The following MOV10L1 variants were observed in gnomAD, a reference collection of about 807,000 sequenced individuals.
MOV10L1 encodes Mov10 like RNA helicase 1.
A neutral mutation model predicts 143.8 loss-of-function variants in MOV10L1; 110 were observed. The observed-to-expected ratio is 0.76, with a 90% CI of 0.66 to 0.90. The LOEUF (loss-of-function observed/expected upper bound fraction) is 0.90. Ranked by LOEUF, MOV10L1 falls within the 40% of genes least tolerant of loss-of-function variation. The pLI, the probability that MOV10L1 is intolerant of heterozygous loss-of-function variation, is 0.00. For synonymous variants in MOV10L1, 593 were observed against 581.1 expected (o/e 1.02, Z -0.29); for missense variants, 1,406 against 1,526.8 (o/e 0.92, Z 1.32).
chr22:50,090,470 C>T, intron 1 of MOV10L1: 5 of 1,609,570 alleles, frequency 3.1e-6, no homozygotes, highest in Middle Eastern at 3.3e-4. Context: ...GCCAAGTCGT[C>T]TCTCCATGTC....
intron 1 of MOV10L1, chr22:50,090,714 T>G: frequency 1.5e-6 from 1 of 669,306 alleles, no homozygotes. Flanking sequence ...TTCGCTCTTG[T>G]TGCCCAGGCT....
Position 50,114,566 on chromosome 22 carries a change from A to G in MOV10L1, c.1070A>G (p.Asn357Ser). ...AATTCATTAAATAGCCACACAAAAAACAAAACCTCTCAGATGTCGGAGAGC... is the reference window on the plus strand; with the variant it reads ...AATTCATTAAATAGCCACACAAAAAGCAAAACCTCTCAGATGTCGGAGAGC... ...NINSLNSHTK[N>S]KTSQMSESSL... is the part of the protein sequence containing the mutation. Residue 357 changes from asparagine to serine, a missense_variant, in exon 7 of 27, where the codon AAC becomes AGC. Asn to Ser is a conservative substitution (Grantham distance 46, BLOSUM62 1). Coordinates refer to ENST00000262794, the MANE Select transcript of MOV10L1 (RefSeq NM_018995.3). 1.9e-6 allele frequency: 3 copies of G among 1,614,194 alleles called. No homozygotes were observed. Among genetic ancestry groups the G allele is most frequent in the African/African-American group, 2.7e-5 (2 of 75,050 alleles).
intron 9 of MOV10L1, among the ~76,000 whole-genome samples, chr22:50,120,300 G>A (rs1222095761): frequency 6.6e-6 from 1 of 152,138 alleles, no homozygotes; most frequent in Admixed American, 6.5e-5. Flanking sequence ...GAGCACTTGT[G>A]GGAACTGTTT....
chr22:50,133,961 T>A lies in MOV10L1; in HGVS notation c.1911-46T>A, dbSNP rs370882703. The A allele has an allele frequency of 2.6e-6, 4 of 1,530,422 alleles. No homozygotes were observed. The African/African-American group carries it at 5.5e-5, about 21-fold the overall frequency. 94.8% of individuals were successfully genotyped at this position (1,530,422 alleles called of 1,614,324 possible). On this transcript the variant is annotated intron_variant, in intron 13 of 26. Transcript: ENST00000262794. ...CATTACCTTATGCCAGCCTTAATAT[T>A]TCTGAATGTAAGGTTAGTTATTTTA...
intron 2 of MOV10L1, among the ~76,000 whole-genome samples, chr22:50,097,694 T>G (rs917246530): frequency 2.0e-5 from 3 of 152,182 alleles, no homozygotes; most frequent in African/African-American, 7.2e-5. Flanking sequence ...TATGAAACCT[T>G]CAATTTTGTT....
chr22:50,154,128 G>A (rs895567310), intron 22 of MOV10L1, among the ~76,000 whole-genome samples: 2 of 152,200 alleles, frequency 1.3e-5, no homozygotes, highest in African/African-American at 2.4e-5. Context: ...AAAGGAAGGG[G>A]TCCTAAGGAG....
At position 50,153,041 on chromosome 22, in the gene MOV10L1, G is replaced by A. The variant is rs56173861; in HGVS notation, c.2893-4G>A. ...CCTTGTGACCCATCACCATCTCCTC[G>A]CAGGTCACAAAGCTGGTGAAGAACT... is the stretch of plus-strand genomic sequence containing the variant. On this transcript the variant is annotated splice_polypyrimidine_tract_variant and splice_region_variant and intron_variant, in intron 21 of 26. Transcript: ENST00000262794. 0.039 allele frequency: 62,850 copies of A among 1,596,984 alleles called. 1,664 individuals carry two copies. Among genetic ancestry groups the A allele is most frequent in the South Asian group, 0.11 (9,579 of 89,926 alleles).
At chr22:50,104,786 A>C (rs1488323183) in intron 3 of MOV10L1, among the ~76,000 whole-genome samples, 1 of 152,032 alleles carries the variant, frequency 6.6e-6, no homozygotes, top group African/African-American at 2.4e-5. Flanking sequence ...TTGCAATATG[A>C]TCTTACTCTT....
chr22:50,110,806 C>T (rs1032781189), intron 5 of MOV10L1, among the ~76,000 whole-genome samples: 2 of 151,978 alleles, frequency 1.3e-5, no homozygotes, highest in African/African-American at 4.8e-5. Flanking sequence ...CAGCGCACAC[C>T]CTTAATCCCA....
chr22:50,157,674 C>T (rs2063460274), intron 22 of MOV10L1, among the ~76,000 whole-genome samples: 1 of 148,550 alleles, frequency 6.7e-6, no homozygotes. Flanking sequence ...ATCTATATGT[C>T]TGTCTTTTAT....
intron 1 of MOV10L1, chr22:50,090,464 A>G (rs755660781): frequency 3.1e-6 from 5 of 1,608,568 alleles, no homozygotes; most frequent in Middle Eastern, 3.3e-4. Context: ...GCAGCTGCCA[A>G]GTCGTCTCTC....
rs2062080496 is a variant in MOV10L1, at chr22:50,113,562, C to A, written c.744-86C>A. The stretch of plus-strand genomic sequence containing the variant: ...TGAGGTGGTCCTCTGAGTGCCCCCA[C>A]CAGCAGTCTATCCTCAGGAGCGGAG... On this transcript the variant is annotated intron_variant, in intron 5 of 26. Coordinates refer to ENST00000262794, the MANE Select transcript of MOV10L1 (RefSeq NM_018995.3). The A allele has an allele frequency of 3.9e-6, 6 of 1,531,874 alleles. 1 individual carries two copies. The highest frequency in any genetic ancestry group is 5.3e-6 in the Non-Finnish European group (6 of 1,140,244). 94.9% of individuals were successfully genotyped at this position (1,531,874 alleles called of 1,614,324 possible).
intron 1 of MOV10L1, chr22:50,090,573 C>T (rs771344998): frequency 7.7e-6 from 12 of 1,564,480 alleles, no homozygotes; most frequent in South Asian, 2.3e-5. Flanking sequence ...TTTCAGAACG[C>T]GCTGCGCCAA....
chr22:50,098,963 T>G (rs1056784411), intron 2 of MOV10L1, among the ~76,000 whole-genome samples: 1 of 152,262 alleles, frequency 6.6e-6, no homozygotes, highest in Non-Finnish European at 1.5e-5. Context: ...TGTAATATGT[T>G]GACTGATTTT....
chr22:50,109,888 C>A (rs13058355), intron 5 of MOV10L1, among the ~76,000 whole-genome samples: 33,989 of 151,774 alleles, frequency 0.22, 4,170 homozygotes, highest in Admixed American at 0.35. Flanking sequence ...TGGTGGCTCA[C>A]GCCTGTAATC....
At chr22:50,137,318 T>C (rs181502671) in intron 15 of MOV10L1, among the ~76,000 whole-genome samples, 12 of 152,176 alleles carry the variant, frequency 7.9e-5, no homozygotes, top group Non-Finnish European at 1.5e-4. Context: ...ACGAAAGATA[T>C]ATAAAAGACA....
At chr22:50,122,785 A>ATTT (rs1191148416) in intron 10 of MOV10L1, among the ~76,000 whole-genome samples, 1 of 104,834 alleles carries the variant, frequency 9.5e-6, no homozygotes, top group Non-Finnish European at 2.2e-5. Context: ...TTATTTATTT[A>ATTT]TTTATTTATT....
In MOV10L1 at chr22:50,159,833, C is replaced by T. The variant is rs780287174; in HGVS notation, c.3324+48C>T. 1 of 1,303,868 alleles carries T rather than the reference C, an allele frequency of 7.7e-7. No individual in the cohort carries two copies. The highest frequency in any genetic ancestry group is 1.2e-5 in the South Asian group (1 of 81,712). The allele number at this position is 1,303,868 out of a possible 1,614,324, so 80.8% of individuals were successfully genotyped here. ...GGGATGGACAGTCAGGTGCTTGCTG[C>T]CCTGGGGGTTCTGGGGGCTTCAGAT... is the stretch of plus-strand genomic sequence containing the variant. On this transcript the variant is annotated intron_variant, in intron 24 of 26. Transcript: ENST00000262794. This position sits in a 1 kb window ranked among gnomAD's most constrained non-coding sequence, Gnocchi z 4.1.
At chr22:50,131,792 C>T (rs950107764) in intron 13 of MOV10L1, among the ~76,000 whole-genome samples, 1 of 151,828 alleles carries the variant, frequency 6.6e-6, no homozygotes, top group Non-Finnish European at 1.5e-5. Flanking sequence ...CTGTTGTGTT[C>T]CATTGTACAC....
Sources: gnomAD v4.1 joint callset for allele counts (sites outside exome capture counted in the v4.1 genomes callset) on GRCh38, gnomAD v4.1.1 for gene constraint, Gnocchi (gnomAD v3.1) non-coding constraint, MANE v1.5 for transcripts, NCBI Gene and HGNC (gene_info 2026-07-23, HGNC 2026-07-21) for gene names.